The following SBDS variants were observed in gnomAD, a reference collection of about 807,000 sequenced individuals.
SBDS encodes the protein ribosome maturation protein SBDS.
Under a neutral mutation model 26.4 loss-of-function variants are expected in SBDS, and 20 were observed. That is an observed-to-expected ratio of 0.76 (90% CI 0.53 to 1.10). The LOEUF (loss-of-function observed/expected upper bound fraction) is 1.10. SBDS is among the 50% of genes least tolerant of loss of function. The probability of loss-of-function intolerance (pLI) is 0.00; values close to 1 mark genes in which losing one functional copy is unlikely to be tolerated. For synonymous variants in SBDS, 95 were observed against 105.1 expected (o/e 0.90, Z 0.59); for missense variants, 241 against 302.0 (o/e 0.80, Z 1.50).
At position 66,995,356 on chromosome 7, in the gene SBDS, T is replaced by C. The variant is rs746186710; in HGVS notation, c.62A>G (p.Lys21Arg). 1.2e-6 allele frequency: 2 copies of C among 1,614,142 alleles called. No homozygotes were observed. Among genetic ancestry groups the C allele is most frequent in the Admixed American group, 1.7e-5 (1 of 60,034 alleles). The change falls in exon 1 of 5, where the codon AAG becomes AGG. Residue 21 changes from lysine (K) to arginine (R), a missense_variant. Transcript: ENST00000246868. ...RLTNVAVVRM[K>R]RAGKRFEIAC... Reference sequence around the variant, plus strand: ...GATTTCGAAGCGCTTCCCGGCACGCTTCATCCGTACCACGGCCACATTGGT... The same window carrying C: ...GATTTCGAAGCGCTTCCCGGCACGCCTCATCCGTACCACGGCCACATTGGT...
chr7:66,993,319 A>G lies in SBDS; in HGVS notation c.357T>C (p.Cys119=), dbSNP rs189441106. ...RDIATIVADK[C]VNPETKRPYT... is the part of the protein sequence containing the mutation. ...ATGGTCTCTTTGTTTCAGGATTCAC[A>G]CATTTGTCTGCCACAATAGTTGCAA... Residue 119 remains cysteine, a synonymous_variant, in exon 3 of 5, where the codon TGT becomes TGC. Transcript: ENST00000246868. 516 of 1,614,070 alleles carry G rather than the reference A, an allele frequency of 3.2e-4. 4 individuals are homozygous for G. The Admixed American group carries it at 8.3e-3, about 26-fold the overall frequency.
chr7:66,988,250 T>C lies in SBDS; in HGVS notation c.*121A>G. On this transcript the variant is annotated 3_prime_UTR_variant, in exon 5 of 5. Transcript: ENST00000246868. ...AGGAAAGCCTTGCTGTGTCCACTGT[T>C]AACACAAAGATAGAAAATGTCAAAT... 2 of 1,119,328 alleles carry C rather than the reference T, an allele frequency of 1.8e-6. No homozygotes were observed. Among genetic ancestry groups the C allele is most frequent in the Non-Finnish European group, 2.7e-6 (2 of 751,610 alleles). The allele number at this position is 1,119,328 out of a possible 1,614,324, so 69.3% of individuals were successfully genotyped here. A position where few individuals can be genotyped will look rare whatever the true frequency, so the allele number is the denominator to read the frequency against.
In SBDS at chr7:66,995,349, G is replaced by C. The variant is rs771403283; in HGVS notation, c.69C>G (p.Ala23=). 14 of 1,614,032 alleles carry C rather than the reference G, an allele frequency of 8.7e-6. No individual in the cohort carries two copies. The highest frequency in any genetic ancestry group is 1.3e-5 in the African/African-American group (1 of 74,944). ...TNVAVVRMKR[A]GKRFEIACYK... ...AGCAGGCGATTTCGAAGCGCTTCCC[G>C]GCACGCTTCATCCGTACCACGGCCA... Residue 23 remains alanine (A), a synonymous_variant, in exon 1 of 5, where the codon GCC becomes GCG. Coordinates refer to ENST00000246868, the MANE Select transcript of SBDS (RefSeq NM_016038.4).
At chr7:66,989,084 A>G (rs6961020) in intron 4 of SBDS, among the ~76,000 whole-genome samples, 51,042 of 150,990 alleles carry the variant, frequency 0.34, 9,275 homozygotes, top group East Asian at 0.62. Flanking sequence ...TTATCTGCTC[A>G]CCTTGGCCTC....
Position 66,988,205 on chromosome 7 carries a change from C to A in SBDS, c.*166G>T, listed in dbSNP as rs542737076. ...GTTTATAATTAAAACCAAATCATTC[C>A]CACATTATTATACTTATGTAGGAAA... is the stretch of plus-strand genomic sequence containing the variant. On this transcript the variant is annotated 3_prime_UTR_variant, in exon 5 of 5. Transcript: ENST00000246868. 174 of 717,248 alleles carry A rather than the reference C, an allele frequency of 2.4e-4. No individual in the cohort carries two copies. In the African/African-American group the frequency reaches 2.8e-3, roughly 11 times the overall value. 44.4% of individuals were successfully genotyped at this position (717,248 alleles called of 1,614,324 possible). A position where few individuals can be genotyped will look rare whatever the true frequency, so the allele number is the denominator to read the frequency against.
In SBDS at chr7:66,993,294, A is replaced by G; in HGVS notation, c.382T>C (p.Tyr128His). Reference protein sequence around the residue: ...KCVNPETKRPYTVILIERAMK... With the variant: ...KCVNPETKRPHTVILIERAMK... ...GCTCTCTCAATAAGGATCACGGTGTATGGTCTCTTTGTTTCAGGATTCACA... is the reference window on the plus strand; with the variant it reads ...GCTCTCTCAATAAGGATCACGGTGTGTGGTCTCTTTGTTTCAGGATTCACA... The change falls in exon 3 of 5, where the codon TAC becomes CAC. Residue 128 changes from tyrosine to histidine, a missense_variant. Tyr to His is a moderately conservative substitution (Grantham distance 83). Coordinates refer to ENST00000246868, the MANE Select transcript of SBDS (RefSeq NM_016038.4). 9.9e-6 allele frequency: 16 copies of G among 1,614,108 alleles called. No homozygotes were observed. The highest frequency in any genetic ancestry group is 1.4e-5 in the Non-Finnish European group (16 of 1,179,996).
Position 66,995,558 on chromosome 7 carries a change from T to A in SBDS, c.-141A>T. On this transcript the variant is annotated 5_prime_UTR_variant, in exon 1 of 5. Transcript: ENST00000246868. Reference sequence around the variant, plus strand: ...ACCAGTGCGCGGCGCCGCGACTCACTAGCTTCAGGCAGCCGTCACAGTGTG... The same window carrying A: ...ACCAGTGCGCGGCGCCGCGACTCACAAGCTTCAGGCAGCCGTCACAGTGTG... 8.2e-7 allele frequency: 1 copy of A among 1,222,828 alleles called. No individual in the cohort carries two copies. The highest frequency in any genetic ancestry group is 1.2e-6 in the Non-Finnish European group (1 of 855,970). The allele number at this position is 1,222,828 out of a possible 1,614,324, so 75.7% of individuals were successfully genotyped here. A position where few individuals can be genotyped will look rare whatever the true frequency, so the allele number is the denominator to read the frequency against.
chr7:66,991,463 A>C (rs975378381), intron 3 of SBDS, among the ~76,000 whole-genome samples, 162 bp from the exon 4 acceptor site: 1 of 152,150 alleles, frequency 6.6e-6, no homozygotes, highest in African/African-American at 2.4e-5. Flanking sequence ...AATTGGACTT[A>C]TCAAGAAGAA....
chr7:66,992,633 C>A (rs976382406), intron 3 of SBDS, among the ~76,000 whole-genome samples: 1 of 151,942 alleles, frequency 6.6e-6, no homozygotes, highest in Non-Finnish European at 1.5e-5. Context: ...ACAACCCCGT[C>A]CTTTTCCTCC....
intron 2 of SBDS, among the ~76,000 whole-genome samples, 193 bp downstream of exon 2, chr7:66,994,019 C>CAAAAAAAA (rs66521756): frequency 1.2e-5 from 1 of 81,706 alleles, no homozygotes. Context: ...GAGGTTTTGG[C>CAAAAAAAA]AAAAAAAAAA....
In SBDS at chr7:66,995,438, G is replaced by A. The variant is rs1455241132; in HGVS notation, c.-21C>T. 1 of 1,612,866 alleles carries A rather than the reference G, an allele frequency of 6.2e-7. No individual in the cohort carries two copies. Among genetic ancestry groups the A allele is most frequent in the Non-Finnish European group, 8.5e-7 (1 of 1,179,986 alleles). On this transcript the variant is annotated 5_prime_UTR_variant, in exon 1 of 5. Transcript: ENST00000246868. ...GACATCGCGGCTGTTCAAAGACCCA[G>A]AAGCCGGCGAACCAGGGCTGACCCG...
chr7:66,992,501 G>A (rs996755069), intron 3 of SBDS, among the ~76,000 whole-genome samples: 1 of 151,780 alleles, frequency 6.6e-6, no homozygotes, highest in Admixed American at 6.6e-5. Context: ...AATTCAAAAA[G>A]AAGTGTTAAA....
At chr7:66,991,557 C>A (rs1161513654) in intron 3 of SBDS, among the ~76,000 whole-genome samples, 1 of 152,032 alleles carries the variant, frequency 6.6e-6, no homozygotes, top group Non-Finnish European at 1.5e-5. Flanking sequence ...CTTTGGGAGG[C>A]CGAGGCGGGT....
intron 1 of SBDS, among the ~76,000 whole-genome samples, chr7:66,994,871 A>C (rs925751841): frequency 1.3e-5 from 2 of 152,232 alleles, no homozygotes; most frequent in Non-Finnish European, 2.9e-5. Context: ...CTGCCACGGA[A>C]TGCCAGTCCC....
Position 66,988,075 on chromosome 7 carries a change from T to C in SBDS, c.*296A>G, listed in dbSNP as rs571237983. 1 of 433,626 alleles carries C rather than the reference T, an allele frequency of 2.3e-6. No homozygotes were observed. Among genetic ancestry groups the C allele is most frequent in the South Asian group, 2.3e-5 (1 of 44,168 alleles). 26.9% of individuals were successfully genotyped at this position (433,626 alleles called of 1,614,324 possible). A position where few individuals can be genotyped will look rare whatever the true frequency, so the allele number is the denominator to read the frequency against. On this transcript the variant is annotated 3_prime_UTR_variant, in exon 5 of 5. Transcript: ENST00000246868. Reference sequence around the variant, plus strand: ...TTTCACCCACAAGAGCTGCCTCAAGTAACTTTCATTTTGGAAAGCTATCAA... The same window carrying C: ...TTTCACCCACAAGAGCTGCCTCAAGCAACTTTCATTTTGGAAAGCTATCAA...
In SBDS at chr7:66,995,570, G is replaced by A. The variant is rs559213058; in HGVS notation, c.-153C>T. 2.9e-4 allele frequency: 318 copies of A among 1,109,710 alleles called. 2 individuals are homozygous for A. The African/African-American group carries it at 4.4e-3, about 15-fold the overall frequency. 68.7% of individuals were successfully genotyped at this position (1,109,710 alleles called of 1,614,324 possible). On this transcript the variant is annotated 5_prime_UTR_variant, in exon 1 of 5. Coordinates refer to ENST00000246868, the MANE Select transcript of SBDS (RefSeq NM_016038.4). ...CGCCGCGACTCACTAGCTTCAGGCA[G>A]CCGTCACAGTGTGTCTGGCAGGCTT...
rs759402298 is a variant in SBDS at position 66,988,443 on chromosome 7, T to C, written c.681A>G (p.Glu227=). Residue 227 remains glutamate (E), a synonymous_variant, in exon 5 of 5, where the codon GAA becomes GAG. Coordinates refer to ENST00000246868, the MANE Select transcript of SBDS (RefSeq NM_016038.4). ...FREIDELIKK[E]TKGKGSLEVL... is the part of the protein sequence containing the mutation. Reference sequence around the variant, plus strand: ...CTTCCAAAGAACCTTTGCCTTTAGTTTCCTTTTTTATTAGCTCATCAATTT... The same window carrying C: ...CTTCCAAAGAACCTTTGCCTTTAGTCTCCTTTTTTATTAGCTCATCAATTT... 2.5e-6 allele frequency: 4 copies of C among 1,613,976 alleles called. No individual in the cohort carries two copies. The African/African-American group carries it at 5.3e-5, about 22-fold the overall frequency.
In SBDS at chr7:66,995,497, G is replaced by T. The variant is rs1793092578; in HGVS notation, c.-80C>A. 1.9e-6 allele frequency: 3 copies of T among 1,604,190 alleles called. No individual in the cohort carries two copies. The highest frequency in any genetic ancestry group is 2.6e-6 in the Non-Finnish European group (3 of 1,173,982). On this transcript the variant is annotated 5_prime_UTR_variant, in exon 1 of 5. Transcript: ENST00000246868. ...AGCCTGAAGGCCACCAGCGCCTCGC[G>T]GTAACGACCGATCGGCGCGCGGCAC...
In SBDS at chr7:66,994,210, A is replaced by G. The variant is rs113993993; in HGVS notation, c.258+2T>C. The G allele has an allele frequency of 3.6e-3, 5,853 of 1,611,298 alleles. 10 individuals are homozygous for G. The highest frequency in any genetic ancestry group is 4.0e-3 in the East Asian group (181 of 44,772). On this transcript the variant is annotated splice_donor_variant, in intron 2 of 4. Transcript: ENST00000246868. LOFTEE classifies it high-confidence loss of function. ...GTTAGCTATGCTGCAGCTGTTACCC[A>G]CCTGCTTACAGATTTCAGTTTGGTC...
Sources: allele counts gnomAD v4.1 joint callset (sites outside exome capture counted in the v4.1 genomes callset), GRCh38; gene constraint gnomAD v4.1.1; transcripts MANE v1.5; gene names NCBI Gene and HGNC (gene_info 2026-07-23, HGNC 2026-07-21).